The following EPHA6 variants were observed in gnomAD, a reference collection of about 807,000 sequenced individuals.
The protein encoded by EPHA6 is ephrin type-A receptor 6.
EPHA6 carries 50 observed loss-of-function variants against 112.0 expected under a neutral mutation model. That is an observed-to-expected ratio of 0.45 (90% CI 0.36 to 0.56). EPHA6 has a LOEUF of 0.56. Ranked by LOEUF, EPHA6 falls within the 20% of genes least tolerant of loss-of-function variation. The pLI is 0.00. For missense variants in EPHA6, 1,280 were observed against 1,417.4 expected, an observed-to-expected ratio of 0.90 and a Z score of 1.56; for synonymous variants, 529 against 490.7, an observed-to-expected ratio of 1.08 and a Z score of -1.03.
At chr3:97,113,139 G>A (rs760772473) in intron 3 of EPHA6, among the ~76,000 whole-genome samples, 2 of 151,924 alleles carry the variant, frequency 1.3e-5, no homozygotes, top group African/African-American at 2.4e-5. Context: ...TCATTTCCCC[G>A]ACTGGTCATA....
Position 97,528,916 on chromosome 3 carries a change from G to A in EPHA6, c.2201-3442G>A, listed in dbSNP as rs373104729. Among the ~76,000 whole-genome samples, 31 of 152,186 alleles carry A rather than the reference G, an allele frequency of 2.0e-4. No homozygotes were observed. In the South Asian group the frequency reaches 6.4e-3, roughly 32 times the overall value. Reference sequence around the variant, plus strand: ...GATCAATTATCCTATATATAATTTTGTTTTTTCTCAGAAACTAGACTGTGG... The same window carrying A: ...GATCAATTATCCTATATATAATTTTATTTTTTCTCAGAAACTAGACTGTGG... On this transcript the variant is annotated intron_variant, in intron 10 of 17. Coordinates refer to ENST00000389672, the MANE Select transcript of EPHA6 (RefSeq NM_001080448.3).
chr3:97,718,296 G>C (rs2034344265), intron 14 of EPHA6, among the ~76,000 whole-genome samples: 1 of 152,146 alleles, frequency 6.6e-6, no homozygotes, highest in Non-Finnish European at 1.5e-5. Context: ...CCCTTGTGAA[G>C]ATCACACCCA....
chr3:97,069,805 A>T (rs2046297988), intron 3 of EPHA6, among the ~76,000 whole-genome samples: 1 of 152,164 alleles, frequency 6.6e-6, no homozygotes. Context: ...GCAGTTACTA[A>T]TAGGCTATGC....
At chr3:97,342,559 T>C (rs1468810880) in intron 5 of EPHA6, among the ~76,000 whole-genome samples, 2 of 152,244 alleles carry the variant, frequency 1.3e-5, no homozygotes, top group Non-Finnish European at 2.9e-5. Flanking sequence ...TGAATGTTTG[T>C]GTTCCCACAG....
Position 97,028,707 on chromosome 3 carries a change from A to G in EPHA6, c.1114+40714A>G, listed in dbSNP as rs112943904. On this transcript the variant is annotated intron_variant, in intron 3 of 17. Transcript: ENST00000389672. ...CATGTGCTGTTTATAGATGTTATTT[A>G]ATTTTAATATCCTAATAAGATGCTG... is the stretch of plus-strand genomic sequence containing the variant. 5.3e-3 allele frequency among the ~76,000 whole-genome samples: 810 copies of G among 152,152 alleles called. 6 individuals are homozygous for G. Among genetic ancestry groups the G allele is most frequent in the African/African-American group, 0.018 (731 of 41,570 alleles).
At chr3:96,994,728 T>G (rs2856462) in intron 3 of EPHA6, among the ~76,000 whole-genome samples, 4,078 of 78,508 alleles carry the variant, frequency 0.052, 92 homozygotes, top group Non-Finnish European at 0.06. Context: ...TATATATATA[T>G]ATATAGAGAG....
At chr3:97,121,997 T>C (rs1423917109) in intron 3 of EPHA6, among the ~76,000 whole-genome samples, 7 of 152,074 alleles carry the variant, frequency 4.6e-5, no homozygotes, top group African/African-American at 1.7e-4. Flanking sequence ...TTGATGCTTA[T>C]AGATGTTATT....
rs560088699 is a variant in EPHA6, at chr3:97,754,334, C to T, written c.*5633C>T. On this transcript the variant is annotated 3_prime_UTR_variant, in exon 18 of 18. Coordinates refer to ENST00000389672, the MANE Select transcript of EPHA6 (RefSeq NM_001080448.3). ...AACTCCCGACCTCAGGTGATCTGCCCGCCTCAGCCTCCCAAAGTGCTGGGA... is the reference window on the plus strand; with the variant it reads ...AACTCCCGACCTCAGGTGATCTGCCTGCCTCAGCCTCCCAAAGTGCTGGGA... Among the ~76,000 whole-genome samples, 2 of 152,164 alleles carry T rather than the reference C, an allele frequency of 1.3e-5. No individual in the cohort carries two copies. The highest frequency in any genetic ancestry group is 2.1e-4 in the South Asian group (1 of 4,826).
chr3:97,519,718 A>G (rs1430706065), intron 10 of EPHA6, among the ~76,000 whole-genome samples: 1 of 151,800 alleles, frequency 6.6e-6, no homozygotes, highest in Non-Finnish European at 1.5e-5. Flanking sequence ...TTATACCTAG[A>G]TATTTTATTT....
At chr3:97,151,691 A>G (rs2076175088) in intron 3 of EPHA6, among the ~76,000 whole-genome samples, 1 of 152,092 alleles carries the variant, frequency 6.6e-6, no homozygotes, top group Non-Finnish European at 1.5e-5. Context: ...CTGACAAATA[A>G]TAAATAACCT....
chr3:97,536,654 G>A (rs2092768593), intron 11 of EPHA6, among the ~76,000 whole-genome samples: 1 of 152,148 alleles, frequency 6.6e-6, no homozygotes, highest in South Asian at 2.1e-4. Flanking sequence ...GGGTAAGAGA[G>A]TAGATTCAAG....
At chr3:96,899,262 T>C (rs1165264989) in intron 2 of EPHA6, among the ~76,000 whole-genome samples, 1 of 152,168 alleles carries the variant, frequency 6.6e-6, no homozygotes, top group African/African-American at 2.4e-5. Flanking sequence ...CATGTCCATC[T>C]TCCCCCTATG....
intron 11 of EPHA6, among the ~76,000 whole-genome samples, chr3:97,549,634 A>T (rs945032594): frequency 1.3e-5 from 2 of 152,166 alleles, no homozygotes; most frequent in Non-Finnish European, 2.9e-5. Flanking sequence ...CAAAGCAAAA[A>T]GTTTGTTTAC....
intron 3 of EPHA6, among the ~76,000 whole-genome samples, chr3:97,176,366 G>C (rs1271618595): frequency 1.3e-5 from 2 of 151,678 alleles, no homozygotes; most frequent in African/African-American, 4.8e-5. Flanking sequence ...TTCATTTCTT[G>C]ATGTGTCTTA....
chr3:97,646,039 T>G lies in EPHA6; in HGVS notation c.2784+7957T>G, dbSNP rs1465734133. On this transcript the variant is annotated intron_variant, in intron 14 of 17. Coordinates refer to ENST00000389672, the MANE Select transcript of EPHA6 (RefSeq NM_001080448.3). ...AGAAAAAAATATCTTTAGAACAGTA[T>G]GCTACATGGAAGCTATCCTTTTCTA... is the stretch of plus-strand genomic sequence containing the variant. 16 of 1,083,552 alleles carry G rather than the reference T, an allele frequency of 1.5e-5. No homozygotes were observed. The Admixed American group carries it at 2.8e-4, about 19-fold the overall frequency. The allele number at this position is 1,083,552 out of a possible 1,614,324, so 67.1% of individuals were successfully genotyped here. A position where few individuals can be genotyped will look rare whatever the true frequency, so the allele number is the denominator to read the frequency against.
chr3:96,981,042 T>G (rs549889461), intron 2 of EPHA6, among the ~76,000 whole-genome samples: 1 of 152,328 alleles, frequency 6.6e-6, no homozygotes, highest in South Asian at 2.1e-4. Flanking sequence ...TACCCTTTAT[T>G]TCTTTCTTCT....
intron 5 of EPHA6, among the ~76,000 whole-genome samples, chr3:97,391,258 AT>A (rs1443851231): frequency 2.0e-5 from 3 of 152,012 alleles, no homozygotes; most frequent in Non-Finnish European, 2.9e-5. Context: ...GGGCATGACA[AT>A]TGTCTGGAAA....
chr3:97,645,164 G>A (rs2094047464), intron 14 of EPHA6, among the ~76,000 whole-genome samples: 1 of 151,542 alleles, frequency 6.6e-6, no homozygotes, highest in Admixed American at 6.6e-5. Flanking sequence ...CCCATTACTA[G>A]GTATATACCC....
intron 11 of EPHA6, among the ~76,000 whole-genome samples, chr3:97,576,419 C>T (rs2093385736): frequency 6.6e-6 from 1 of 152,168 alleles, no homozygotes; most frequent in Admixed American, 6.5e-5. Context: ...ACATCCCACT[C>T]ATCAACTGCG....
Sources: allele counts gnomAD v4.1 joint callset (sites outside exome capture counted in the v4.1 genomes callset), GRCh38; gene constraint gnomAD v4.1.1; transcripts MANE v1.5; gene names NCBI Gene and HGNC (gene_info 2026-07-23, HGNC 2026-07-21).